Variants in NEK7 observed in about 807,000 individuals in gnomAD.
NEK7 encodes the protein NIMA related kinase 7.
In NEK7, 18 loss-of-function variants were observed where a neutral mutation model predicts 44.6. That is an observed-to-expected ratio of 0.40 (90% CI 0.28 to 0.60). NEK7 has a LOEUF of 0.60. NEK7 is among the 20% of genes least tolerant of loss of function. The pLI is 0.38. For synonymous variants in NEK7, 130 were observed against 121.1 expected, an observed-to-expected ratio of 1.07 and a Z score of -0.48; for missense variants, 256 against 366.5, an observed-to-expected ratio of 0.70 and a Z score of 2.46.
chr1:198,319,737 G>T lies in NEK7; in HGVS notation c.*215G>T. On this transcript the variant is annotated 3_prime_UTR_variant, in exon 10 of 10. Transcript: ENST00000367385. ...TTTGGAATAACTGAATTGCATGTTA[G>T]GAGAGAAAATGAAACATGATGGTTT... is the stretch of plus-strand genomic sequence containing the variant. 2.3e-6 allele frequency: 1 copy of T among 429,758 alleles called. No homozygotes were observed. Among genetic ancestry groups the T allele is most frequent in the Non-Finnish European group, 4.1e-6 (1 of 245,854 alleles). 26.6% of individuals were successfully genotyped at this position (429,758 alleles called of 1,614,324 possible).
In NEK7 at chr1:198,157,044, G is replaced by A. The variant is rs1414492965; in HGVS notation, c.-261G>A. The A allele has an allele frequency of 6.6e-6, 1 of 152,088 alleles. No individual in the cohort carries two copies. Among genetic ancestry groups the A allele is most frequent in the African/African-American group, 2.4e-5 (1 of 41,426 alleles). The allele number at this position is 152,088 out of a possible 1,614,324, so 9.4% of individuals were successfully genotyped here. On this transcript the variant is annotated 5_prime_UTR_variant, in exon 1 of 10. Coordinates refer to ENST00000367385, the MANE Select transcript of NEK7 (RefSeq NM_133494.3). ...GCAGGAGGAGGATCGGGAGTCGCGGGAGGATGGGCCGCCGCTAGGCTCGCA... is the reference window on the plus strand; with the variant it reads ...GCAGGAGGAGGATCGGGAGTCGCGGAAGGATGGGCCGCCGCTAGGCTCGCA...
chr1:198,314,869 G>T (rs544763519), intron 9 of NEK7, among the ~76,000 whole-genome samples: 1 of 152,312 alleles, frequency 6.6e-6, no homozygotes, highest in South Asian at 2.1e-4. Flanking sequence ...GTCTTCAGAG[G>T]TTACTGCTGT....
At chr1:198,184,853 A>G (rs1664870816) in intron 1 of NEK7, among the ~76,000 whole-genome samples, 2 of 151,752 alleles carry the variant, frequency 1.3e-5, no homozygotes, top group Admixed American at 1.3e-4. Flanking sequence ...TTATTTATTT[A>G]TTTATTTATT....
At chr1:198,242,585 C>T (rs111703642) in intron 2 of NEK7, among the ~76,000 whole-genome samples, 3,502 of 151,154 alleles carry the variant, frequency 0.023, 58 homozygotes, top group African/African-American at 0.047. Flanking sequence ...CCTCAGCCTC[C>T]CGAGTAGCTG....
intron 7 of NEK7, among the ~76,000 whole-genome samples, chr1:198,279,744 T>A (rs1289179269): frequency 6.6e-6 from 1 of 151,978 alleles, no homozygotes; most frequent in East Asian, 1.9e-4. Flanking sequence ...ACCTTTTAAA[T>A]GGCCTGATGA....
At chr1:198,167,210 G>C (rs931935242) in intron 1 of NEK7, among the ~76,000 whole-genome samples, 1 of 152,112 alleles carries the variant, frequency 6.6e-6, no homozygotes, top group Non-Finnish European at 1.5e-5. Flanking sequence ...CTTCCTATGT[G>C]TTTTCGCTTG....
rs199684799 is a variant in NEK7, at chr1:198,231,149, GAGT to G, written c.-28-1399_-28-1397del. On this transcript the variant is annotated intron_variant, in intron 1 of 9. Transcript: ENST00000367385. ...GTAATTAATACTGTAGTTTTATATA[GAGT>G]AGTAATAGTACAGTGTAGTAGGTAC... 4.4e-3 allele frequency among the ~76,000 whole-genome samples: 669 copies of G among 151,018 alleles called. 7 individuals are homozygous for G. The highest frequency in any genetic ancestry group is 0.016 in the African/African-American group (648 of 41,238).
chr1:198,291,708 T>C (rs1033990037), intron 7 of NEK7, among the ~76,000 whole-genome samples: 9 of 152,186 alleles, frequency 5.9e-5, no homozygotes, highest in African/African-American at 2.2e-4. Flanking sequence ...ACTAGGGCTA[T>C]CCATGATTAG....
chr1:198,313,811 G>T (rs1301566214), intron 9 of NEK7, among the ~76,000 whole-genome samples: 6 of 151,536 alleles, frequency 4.0e-5, no homozygotes, highest in Admixed American at 6.6e-5. Flanking sequence ...GAGATCCGCT[G>T]TTAGTCTGAT....
rs1364588519 is a variant in NEK7, at chr1:198,311,696, CAT to C, written c.799-7715_799-7714del. On this transcript the variant is annotated intron_variant, in intron 9 of 9. Coordinates refer to ENST00000367385, the MANE Select transcript of NEK7 (RefSeq NM_133494.3). ...CCTTTTCTGCATCTATTGAGATAAT[CAT>C]GTGGTTTTTCTGTTTGGTTCTGTTT... Among the ~76,000 whole-genome samples the C allele has an allele frequency of 3.9e-5, 6 of 152,264 alleles. No individual in the cohort carries two copies. In the South Asian group the frequency reaches 1.2e-3, roughly 32 times the overall value.
At chr1:198,250,135 G>A (rs951785004) in intron 2 of NEK7, among the ~76,000 whole-genome samples, 2 of 150,420 alleles carry the variant, frequency 1.3e-5, no homozygotes, top group Non-Finnish European at 2.9e-5. Flanking sequence ...ATTAAATAGG[G>A]AATGCTTTCC....
chr1:198,159,528 G>T (rs1289109038), intron 1 of NEK7, among the ~76,000 whole-genome samples: 1 of 152,188 alleles, frequency 6.6e-6, no homozygotes, highest in East Asian at 1.9e-4. Flanking sequence ...AATCTAAATC[G>T]TTAGGCGTTT....
At chr1:198,183,193 G>A (rs1044481203) in intron 1 of NEK7, among the ~76,000 whole-genome samples, 1 of 152,180 alleles carries the variant, frequency 6.6e-6, no homozygotes, top group African/African-American at 2.4e-5. Flanking sequence ...CGTCTTTAGA[G>A]GTTACATTGG....
At position 198,242,158 on chromosome 1, in the gene NEK7, C is replaced by T. The variant is rs1401603599; in HGVS notation, c.57+9521C>T. Among the ~76,000 whole-genome samples, 6 of 152,012 alleles carry T rather than the reference C, an allele frequency of 3.9e-5. No homozygotes were observed. In the East Asian group the frequency reaches 1.2e-3, roughly 29 times the overall value. ...ATTATATTCTTATTACATCTACTGT[C>T]CTCATCTCTCTAACTCCTCAGGCCA... On this transcript the variant is annotated intron_variant, in intron 2 of 9. Transcript: ENST00000367385.
intron 1 of NEK7, among the ~76,000 whole-genome samples, chr1:198,229,430 CA>C (rs1488685146): frequency 1.3e-5 from 2 of 152,302 alleles, no homozygotes; most frequent in South Asian, 2.1e-4. Flanking sequence ...GAGAGGGGGT[CA>C]GGGGAACCCC....
chr1:198,202,299 G>A (rs1271935471), intron 1 of NEK7, among the ~76,000 whole-genome samples: 1 of 152,148 alleles, frequency 6.6e-6, no homozygotes, highest in Non-Finnish European at 1.5e-5. Context: ...TCACAAGGAG[G>A]ATTGGAGAGG....
chr1:198,267,864 CACTT>C (rs772805129), intron 5 of NEK7, among the ~76,000 whole-genome samples: 126 of 152,114 alleles, frequency 8.3e-4, no homozygotes, highest in Non-Finnish European at 1.6e-3. Context: ...CACAGTCAGA[CACTT>C]ACTCCTGACC....
chr1:198,215,533 G>A (rs1410877698), intron 1 of NEK7, among the ~76,000 whole-genome samples: 1 of 145,162 alleles, frequency 6.9e-6, no homozygotes, highest in Non-Finnish European at 1.5e-5. Flanking sequence ...TTTATGTGTG[G>A]CCCAAGACAA....
intron 2 of NEK7, among the ~76,000 whole-genome samples, chr1:198,237,353 T>G (rs1666566968): frequency 6.6e-6 from 1 of 152,184 alleles, no homozygotes; most frequent in South Asian, 2.1e-4. Flanking sequence ...TGTATCCATT[T>G]GCCTACTTGG....
Sources: allele counts gnomAD v4.1 joint callset (sites outside exome capture counted in the v4.1 genomes callset), GRCh38; gene constraint gnomAD v4.1.1; transcripts MANE v1.5; gene names NCBI Gene and HGNC (gene_info 2026-07-23, HGNC 2026-07-21).